The following ECPAS variants were observed in gnomAD, a reference collection of about 807,000 sequenced individuals.
The protein encoded by ECPAS is proteasome adapter and scaffold protein ECM29.
Under a neutral mutation model 255.1 loss-of-function variants are expected in ECPAS, and 70 were observed. That is an observed-to-expected ratio of 0.27 (90% CI 0.23 to 0.33). ECPAS has a LOEUF of 0.33. Ranked by LOEUF, ECPAS falls within the 10% of genes least tolerant of loss-of-function variation. The pLI is 1.00. For synonymous variants in ECPAS, 784 were observed against 775.0 expected (o/e 1.01, Z -0.19); for missense variants, 1,817 against 2,206.4 (o/e 0.82, Z 3.54).
rs577454619 is a variant in ECPAS, at chr9:111,467,678, T to A, written c.22+5219A>T. Among the ~76,000 whole-genome samples, 208 of 152,310 alleles carry A rather than the reference T, an allele frequency of 1.4e-3. 1 individual carries two copies. The highest frequency in any genetic ancestry group is 4.9e-3 in the African/African-American group (204 of 41,570). ...ATATTTTTTAAAAGATCTATCAAGT[T>A]ACTACAGAAATATATTACACTATAA... On this transcript the variant is annotated intron_variant, in intron 2 of 49. Transcript: ENST00000684092.
At chr9:111,440,588 A>G in intron 5 of ECPAS, 67 bp from the exon 6 acceptor site, 1 of 1,272,544 alleles carries the variant, frequency 7.9e-7, no homozygotes, top group Non-Finnish European at 1.1e-6. Context: ...CAAAACACAG[A>G]CAAAACAAAA....
intron 36 of ECPAS, 82 bp downstream of exon 36, chr9:111,378,498 A>G: frequency 1.4e-6 from 2 of 1,380,308 alleles, no homozygotes; most frequent in Non-Finnish European, 2.0e-6. Flanking sequence ...CAGTAGTGAC[A>G]GTGTCATTCA....
chr9:111,393,999 C>G (rs970165391), intron 26 of ECPAS, among the ~76,000 whole-genome samples, 161 bp downstream of exon 26: 2 of 152,238 alleles, frequency 1.3e-5, no homozygotes, highest in Non-Finnish European at 2.9e-5. Flanking sequence ...CTAGAATCAT[C>G]TTCCAGCCTA....
At chr9:111,456,250 C>G (rs903795539) in intron 2 of ECPAS, among the ~76,000 whole-genome samples, 2 of 152,024 alleles carry the variant, frequency 1.3e-5, no homozygotes, top group East Asian at 1.9e-4. Context: ...AATTTTGAAG[C>G]CTGCATAAAG....
intron 1 of ECPAS, chr9:111,483,774 G>T: frequency 1.1e-5 from 2 of 176,734 alleles, no homozygotes; most frequent in Non-Finnish European, 2.2e-5. Flanking sequence ...TCGCGCCTCT[G>T]CGGAGCCGCT....
intron 2 of ECPAS, among the ~76,000 whole-genome samples, chr9:111,468,267 A>G (rs2098281908): frequency 6.6e-6 from 1 of 152,214 alleles, no homozygotes; most frequent in South Asian, 2.1e-4. Flanking sequence ...AAGTAGTATT[A>G]GCTCCAATTT....
chr9:111,369,149 G>A lies in ECPAS; in HGVS notation c.4999C>T (p.Arg1667Trp), dbSNP rs776760439. ...KKNSLESSGV[R>W]TTKNEEENEK... ...TTCTCCTCTTCATTTTTGGTTGTCC[G>A]GACCCCACTGCTTTCAAGTGAGTTC... Residue 1667 changes from arginine to tryptophan, a missense_variant, in exon 46 of 50, where the codon CGG becomes TGG. Arg to Trp is a moderately radical substitution (Grantham distance 101, BLOSUM62 -3). Around this residue, in one of 4 missense-constraint regions of ECPAS, gnomAD observed 960 missense variants for 1,179.0 expected, o/e 0.81. Coordinates refer to ENST00000684092, the MANE Select transcript of ECPAS (RefSeq NM_001364929.1). The A allele has an allele frequency of 2.4e-5, 38 of 1,591,228 alleles. No homozygotes were observed. Among genetic ancestry groups the A allele is most frequent in the Non-Finnish European group, 2.9e-5 (34 of 1,172,670 alleles).
chr9:111,407,842 T>A (rs1045505983), intron 24 of ECPAS, among the ~76,000 whole-genome samples: 4 of 152,222 alleles, frequency 2.6e-5, no homozygotes, highest in African/African-American at 9.6e-5. Flanking sequence ...AGGCACTTGT[T>A]TTACAACAGT....
chr9:111,362,882 TACTC>T (rs572565036), intron 49 of ECPAS, among the ~76,000 whole-genome samples: 149 of 152,326 alleles, frequency 9.8e-4, no homozygotes, highest in African/African-American at 3.5e-3. Flanking sequence ...TGTTTAGCGT[TACTC>T]AGTCTAAAAG....
chr9:111,400,702 T>C (rs1408608496), intron 24 of ECPAS, among the ~76,000 whole-genome samples: 1 of 152,134 alleles, frequency 6.6e-6, no homozygotes, highest in Admixed American at 6.5e-5. Flanking sequence ...TAGTGAGCTC[T>C]GAGACAGGCT....
At chr9:111,364,381 T>A (rs915532157) in intron 48 of ECPAS, among the ~76,000 whole-genome samples, 2 of 152,156 alleles carry the variant, frequency 1.3e-5, no homozygotes, top group Admixed American at 1.3e-4. Context: ...CTGGGACAAC[T>A]GGAATAACGA....
At chr9:111,445,685 G>C (rs150688749) in intron 3 of ECPAS, among the ~76,000 whole-genome samples, 1 of 151,644 alleles carries the variant, frequency 6.6e-6, no homozygotes, top group Non-Finnish European at 1.5e-5. Context: ...TTGTTTGTTT[G>C]TTTTTATTAT....
intron 35 of ECPAS, among the ~76,000 whole-genome samples, chr9:111,382,104 C>G: frequency 6.6e-6 from 1 of 151,962 alleles, no homozygotes; most frequent in Middle Eastern, 3.2e-3. Context: ...TCACCATGCA[C>G]TGGTTGTCTT....
At chr9:111,370,404 A>G (rs2098125896) in intron 45 of ECPAS, 31 bp downstream of exon 45, 2 of 1,425,100 alleles carry the variant, frequency 1.4e-6, no homozygotes, top group Non-Finnish European at 1.9e-6. Flanking sequence ...TTTAAAGTAT[A>G]AACCAGAACT....
In ECPAS at chr9:111,430,612, T is replaced by C; in HGVS notation, c.865A>G (p.Asn289Asp). Residue 289 changes from asparagine to aspartate, a missense_variant, in exon 9 of 50, where the codon AAT becomes GAT. By Grantham distance (23) the Asn-to-Asp change is conservative (BLOSUM62 1). This residue lies in a region of ECPAS where 573 missense variants were observed against 716.2 expected (regional missense o/e 0.80). Coordinates refer to ENST00000684092, the MANE Select transcript of ECPAS (RefSeq NM_001364929.1). The stretch of plus-strand genomic sequence containing the variant: ...TACATCTTATTAATGATGGCAGGAT[T>C]ATTCCAGTCAATTAAGCTATGGAAG... ...KSKQSLIDWNNPAIINKMYKV... is the reference protein window; with the variant it reads ...KSKQSLIDWNDPAIINKMYKV... The C allele has an allele frequency of 3.1e-6, 5 of 1,594,918 alleles. No homozygotes were observed. Among genetic ancestry groups the C allele is most frequent in the Non-Finnish European group, 4.3e-6 (5 of 1,169,088 alleles).
chr9:111,375,219 A>T lies in ECPAS; in HGVS notation c.4021-17T>A, dbSNP rs780974656. 9 of 1,603,784 alleles carry T rather than the reference A, an allele frequency of 5.6e-6. No homozygotes were observed. The highest frequency in any genetic ancestry group is 7.7e-6 in the Non-Finnish European group (9 of 1,171,144). On this transcript the variant is annotated splice_polypyrimidine_tract_variant and intron_variant, in intron 37 of 49. Transcript: ENST00000684092. Reference sequence around the variant, plus strand: ...TTGCAGGCACTTTTGAAAAAGGACAAATATAAAGGTAAGCCTTGGCAAATA... The same window carrying T: ...TTGCAGGCACTTTTGAAAAAGGACATATATAAAGGTAAGCCTTGGCAAATA...
chr9:111,393,538 C>A, intron 27 of ECPAS, 142 bp downstream of exon 27: 1 of 618,668 alleles, frequency 1.6e-6, no homozygotes, highest in Non-Finnish European at 2.8e-6. Flanking sequence ...TAATGCTTAT[C>A]CTTACTACTA....
At chr9:111,453,785 G>A (rs1004554828) in intron 2 of ECPAS, among the ~76,000 whole-genome samples, 1 of 152,042 alleles carries the variant, frequency 6.6e-6, no homozygotes, top group East Asian at 1.9e-4. Context: ...CAAACTGGGG[G>A]ACATTCTATA....
At chr9:111,383,696 G>T (rs139401375) in intron 34 of ECPAS, among the ~76,000 whole-genome samples, 2 of 152,086 alleles carry the variant, frequency 1.3e-5, no homozygotes, top group Non-Finnish European at 2.9e-5. Context: ...CGAGGCAGGC[G>T]GATTGCTTGA....
Sources: gnomAD v4.1 joint callset for allele counts (sites outside exome capture counted in the v4.1 genomes callset) on GRCh38, gnomAD v4.1.1 for gene constraint, gnomAD v4.1.1 regional missense constraint, MANE v1.5 for transcripts, NCBI Gene and HGNC (gene_info 2026-07-23, HGNC 2026-07-21) for gene names.